The following PDE1C variants were observed in gnomAD, a reference collection of about 807,000 sequenced individuals.
PDE1C encodes phosphodiesterase 1C.
PDE1C carries 62 observed loss-of-function variants against 93.1 expected under a neutral mutation model. That is an observed-to-expected ratio of 0.67 (90% CI 0.54 to 0.82). The LOEUF (loss-of-function observed/expected upper bound fraction) is 0.82. Among genes scored for constraint, PDE1C ranks in the 40% least tolerant of loss-of-function variants. The pLI, the probability that PDE1C is intolerant of heterozygous loss-of-function variation, is 0.00. For missense variants in PDE1C, 742 were observed against 884.6 expected, an observed-to-expected ratio of 0.84 and a Z score of 2.04; for synonymous variants, 325 against 310.1, an observed-to-expected ratio of 1.05 and a Z score of -0.50.
At position 31,902,608 on chromosome 7, in the gene PDE1C, T is replaced by G. The variant is rs188330042; in HGVS notation, c.129-21748A>C. ...AATAAATAAGCATATCCTGAAATATTCATTTACAGACATTCATCACTGTTC... is the reference window on the plus strand; with the variant it reads ...AATAAATAAGCATATCCTGAAATATGCATTTACAGACATTCATCACTGTTC... On this transcript the variant is annotated intron_variant, in intron 2 of 17. Transcript: ENST00000396191. 3.7e-3 allele frequency among the ~76,000 whole-genome samples: 556 copies of G among 151,950 alleles called. 3 individuals carry two copies. Among genetic ancestry groups the G allele is most frequent in the African/African-American group, 0.012 (504 of 41,554 alleles).
chr7:32,125,326 T>C (rs570363405), intron 3 of PDE1C, among the ~76,000 whole-genome samples: 1 of 152,300 alleles, frequency 6.6e-6, no homozygotes, highest in East Asian at 1.9e-4. Flanking sequence ...CTCAAGGATC[T>C]AGAACCAGAA....
chr7:31,636,048 G>T, the PDE1C span, among the ~76,000 whole-genome samples: 1 of 152,166 alleles, frequency 6.6e-6, no homozygotes, highest in Non-Finnish European at 1.5e-5. Flanking sequence ...AGGGCAGCAG[G>T]AGAGAGAATG....
intron 16 of PDE1C, chr7:31,786,867 G>T (rs1783997692): frequency 6.6e-6 from 1 of 151,870 alleles, no homozygotes; most frequent in South Asian, 2.1e-4. Context: ...CTGCTCATAG[G>T]TTAAGAAAGA....
intron 3 of PDE1C, among the ~76,000 whole-genome samples, chr7:32,162,352 G>C (rs972515395): frequency 6.6e-6 from 1 of 152,164 alleles, no homozygotes; most frequent in Non-Finnish European, 1.5e-5. Flanking sequence ...AGCTAGAAGT[G>C]ATGCACCAGC....
At chr7:32,185,804 T>C (rs1036407825) in intron 2 of PDE1C, among the ~76,000 whole-genome samples, 2 of 152,320 alleles carry the variant, frequency 1.3e-5, no homozygotes, top group Middle Eastern at 3.4e-3. Flanking sequence ...AAAAATCCAC[T>C]TCTTTAGTCT....
intron 16 of PDE1C, among the ~76,000 whole-genome samples, chr7:31,794,213 A>G (rs1785018050): frequency 6.6e-6 from 1 of 151,940 alleles, no homozygotes; most frequent in African/African-American, 2.4e-5. Flanking sequence ...AACTCCTAAA[A>G]TTTACCCATT....
chr7:32,376,696 C>CT (rs935869543), intron 1 of PDE1C, among the ~76,000 whole-genome samples: 75 of 151,698 alleles, frequency 4.9e-4, no homozygotes, highest in Middle Eastern at 3.5e-3. Context: ...TTTCCCCTTT[C>CT]TTTTTTTTTG....
intron 1 of PDE1C, among the ~76,000 whole-genome samples, chr7:32,398,684 C>T (rs1203366270): frequency 2.6e-5 from 4 of 152,026 alleles, no homozygotes; most frequent in Non-Finnish European, 2.9e-5. Flanking sequence ...CCACGGTGCC[C>T]GGCCAGAACT....
At chr7:32,111,029 G>C (rs1398954155) in intron 3 of PDE1C, among the ~76,000 whole-genome samples, 10 of 152,156 alleles carry the variant, frequency 6.6e-5, no homozygotes, top group Non-Finnish European at 1.2e-4. Flanking sequence ...CAGCAGGGAA[G>C]AGGGTTTCAC....
At chr7:31,684,174 T>A in the PDE1C span, among the ~76,000 whole-genome samples, 1 of 152,178 alleles carries the variant, frequency 6.6e-6, no homozygotes, top group Non-Finnish European at 1.5e-5. Flanking sequence ...TACGAAGCCC[T>A]GGGAAAAATC....
intron 16 of PDE1C, among the ~76,000 whole-genome samples, chr7:31,793,690 T>A (rs905222154): frequency 8.6e-5 from 13 of 150,866 alleles, no homozygotes; most frequent in Non-Finnish European, 1.6e-4. Flanking sequence ...TTTTTTTTTT[T>A]AAATAAGAAG....
intron 2 of PDE1C, among the ~76,000 whole-genome samples, chr7:32,181,774 G>A (rs1370705374): frequency 6.6e-6 from 1 of 152,144 alleles, no homozygotes; most frequent in Non-Finnish European, 1.5e-5. Flanking sequence ...TCAAAAGCTA[G>A]CAGAAGGCAA....
intron 2 of PDE1C, among the ~76,000 whole-genome samples, chr7:32,198,572 T>C (rs1804777901): frequency 1.3e-5 from 2 of 152,176 alleles, no homozygotes; most frequent in African/African-American, 4.8e-5. Context: ...GCATTATCAC[T>C]GTGGTCCAAG....
At chr7:32,209,718 C>T (rs938302388) in intron 1 of PDE1C, among the ~76,000 whole-genome samples, 1 of 152,168 alleles carries the variant, frequency 6.6e-6, no homozygotes, top group East Asian at 1.9e-4. Flanking sequence ...CCCTCAACAC[C>T]TAAATGAAGT....
intron 1 of PDE1C, among the ~76,000 whole-genome samples, chr7:32,217,841 G>A (rs1373630833): frequency 2.6e-5 from 4 of 152,158 alleles, no homozygotes; most frequent in Non-Finnish European, 5.9e-5. Context: ...ATACACCCAG[G>A]AGCCATCCAA....
intron 16 of PDE1C, among the ~76,000 whole-genome samples, chr7:31,792,840 C>T (rs1299472581): frequency 6.6e-6 from 1 of 151,982 alleles, no homozygotes; most frequent in South Asian, 2.1e-4. Context: ...TTTTTGAAGG[C>T]CACAAAAAGT....
chr7:32,065,988 C>T (rs1388790048), intron 1 of PDE1C, among the ~76,000 whole-genome samples: 4 of 152,198 alleles, frequency 2.6e-5, no homozygotes, highest in African/African-American at 7.2e-5. Flanking sequence ...ATTCCCACTC[C>T]GTGTTTTCTG....
intron 17 of PDE1C, among the ~76,000 whole-genome samples, chr7:31,760,759 T>TACACAC (rs10573498): frequency 0.033 from 4,862 of 148,634 alleles, 100 homozygotes; most frequent in East Asian, 0.077. Context: ...CTGCAATGTG[T>TACACAC]ACACACACAC....
the PDE1C span, among the ~76,000 whole-genome samples, chr7:31,688,969 A>G: frequency 1.3e-5 from 2 of 152,240 alleles, no homozygotes; most frequent in Admixed American, 1.3e-4. Flanking sequence ...GCCTGACCTG[A>G]AAGAATGTGA....
Sources: gnomAD v4.1 joint callset for allele counts (sites outside exome capture counted in the v4.1 genomes callset) on GRCh38, gnomAD v4.1.1 for gene constraint, MANE v1.5 for transcripts, NCBI Gene and HGNC (gene_info 2026-07-23, HGNC 2026-07-21) for gene names.